The following MGRN1 variants were observed in gnomAD, a reference collection of about 807,000 sequenced individuals.
The protein encoded by MGRN1 is E3 ubiquitin-protein ligase MGRN1.
Under a neutral mutation model 69.2 loss-of-function variants are expected in MGRN1, and 29 were observed. The ratio of observed to expected loss-of-function variants is 0.42; its 90% confidence interval spans 0.31 to 0.57. The LOEUF (loss-of-function observed/expected upper bound fraction) is 0.57. MGRN1 is among the 20% of genes least tolerant of loss of function. The pLI is 0.15. For missense variants in MGRN1, 998 were observed against 796.2 expected (o/e 1.25, Z -3.05); for synonymous variants, 470 against 344.2 (o/e 1.37, Z -4.04).
At chr16:4,678,237 C>G (rs1384712280) in intron 11 of MGRN1, among the ~76,000 whole-genome samples, 1 of 152,224 alleles carries the variant, frequency 6.6e-6, no homozygotes, top group Non-Finnish European at 1.5e-5. Context: ...CCAGGCCCAC[C>G]AGGCGCCCTC....
Position 4,689,244 on chromosome 16 carries a change from C to T in MGRN1, c.*336C>T, listed in dbSNP as rs147180160. 1.4e-3 allele frequency: 387 copies of T among 267,124 alleles called. 1 individual carries two copies. The highest frequency in any genetic ancestry group is 8.0e-3 in the African/African-American group (364 of 45,732). 16.5% of individuals were successfully genotyped at this position (267,124 alleles called of 1,614,324 possible). ...CCGCTGGCTCTGCCTGCTCCTGCAACAGTGCGGTCCCTGCCCGGAGAACTC... is the reference window on the plus strand; with the variant it reads ...CCGCTGGCTCTGCCTGCTCCTGCAATAGTGCGGTCCCTGCCCGGAGAACTC... On this transcript the variant is annotated 3_prime_UTR_variant, in exon 17 of 17. Coordinates refer to ENST00000262370, the MANE Select transcript of MGRN1 (RefSeq NM_015246.4).
chr16:4,636,884 C>A (rs929718968), intron 1 of MGRN1, among the ~76,000 whole-genome samples: 1 of 151,714 alleles, frequency 6.6e-6, no homozygotes, highest in Non-Finnish European at 1.5e-5. Context: ...CTTTGGGAGG[C>A]CGAGACGGGC....
chr16:4,659,765 C>T lies in MGRN1; in HGVS notation c.561+2402C>T, dbSNP rs550420949. 4.7e-4 allele frequency among the ~76,000 whole-genome samples: 72 copies of T among 152,360 alleles called. 2 individuals are homozygous for T. The South Asian group carries it at 0.014, about 31-fold the overall frequency. On this transcript the variant is annotated intron_variant, in intron 5 of 16. Coordinates refer to ENST00000262370, the MANE Select transcript of MGRN1 (RefSeq NM_015246.4). ...TGCAAGTGACAGAAAAACATTTGGT[C>T]TGGTTTAAGAAAAGAAAACCAGAGA...
intron 1 of MGRN1, among the ~76,000 whole-genome samples, chr16:4,641,698 AG>A (rs769092791): frequency 1.7e-4 from 26 of 151,884 alleles, no homozygotes; most frequent in Non-Finnish European, 2.6e-4. Context: ...TTGCATTTTT[AG>A]TAGAGACGGG....
rs763167820 is a variant in MGRN1 at position 4,683,241 on chromosome 16, G to A, written c.1500G>A (p.Glu500=). 6.2e-7 allele frequency: 1 copy of A among 1,613,858 alleles called. No individual in the cohort carries two copies. Among genetic ancestry groups the A allele is most frequent in the Non-Finnish European group, 8.5e-7 (1 of 1,179,990 alleles). The change falls in exon 15 of 17, where the codon GAG becomes GAA. Residue 500 remains glutamate (E), a synonymous_variant. Coordinates refer to ENST00000262370, the MANE Select transcript of MGRN1 (RefSeq NM_015246.4). Reference sequence around the variant, plus strand: ...TTTCCTAGAGTTTCATAACAGAAGAGGTTGATGAGTCGTCGTCACCACAGC... The same window carrying A: ...TTTCCTAGAGTTTCATAACAGAAGAAGTTGATGAGTCGTCGTCACCACAGC... ...SSSPESFITE[E]VDESSSPQQG...
chr16:4,686,786 A>C (rs2079330136), intron 16 of MGRN1: 2 of 990,768 alleles, frequency 2.0e-6, no homozygotes, highest in Non-Finnish European at 2.4e-6. Flanking sequence ...TCGGTCCTGC[A>C]GCAGACACGT....
intron 4 of MGRN1, among the ~76,000 whole-genome samples, chr16:4,656,123 A>AG (rs1239392870): frequency 1.3e-5 from 2 of 152,088 alleles, no homozygotes; most frequent in Non-Finnish European, 2.9e-5. Flanking sequence ...GGTGGGGTGG[A>AG]GGGGAGGGGC....
intron 1 of MGRN1, among the ~76,000 whole-genome samples, chr16:4,629,155 TGTGTGTGTGTGTGTG>T (rs1897861015): frequency 1.4e-5 from 2 of 146,772 alleles, no homozygotes; most frequent in African/African-American, 2.5e-5. Context: ...TTCGTATGTG[TGTGTGTGTGTGTGTG>T]TGTGTGTGTG....
intron 16 of MGRN1, chr16:4,687,416 G>C (rs1184493604): frequency 2.2e-6 from 2 of 901,718 alleles, no homozygotes; most frequent in Non-Finnish European, 2.7e-6. Flanking sequence ...GTGGTAGCTT[G>C]TGCCTGTGGT....
At chr16:4,686,580 C>T (rs2079324855) in intron 16 of MGRN1, 1 of 1,302,054 alleles carries the variant, frequency 7.7e-7, no homozygotes, top group Middle Eastern at 2.9e-4. Flanking sequence ...CTTGAGGGGC[C>T]CTGGAACAGT....
At chr16:4,683,357 G>A in intron 15 of MGRN1, 88 bp downstream of exon 15, 1 of 1,473,746 alleles carries the variant, frequency 6.8e-7, no homozygotes, top group Non-Finnish European at 9.4e-7. Flanking sequence ...GGTGGTGTTG[G>A]GCCAGCACCT....
chr16:4,668,027 C>T (rs770138520), intron 7 of MGRN1, among the ~76,000 whole-genome samples: 4 of 151,896 alleles, frequency 2.6e-5, no homozygotes, highest in Non-Finnish European at 4.4e-5. Flanking sequence ...AGAGGGTCCC[C>T]GGGCTGTGTG....
rs749323134 is a variant in MGRN1 at position 4,652,782 on chromosome 16, T to C, written c.401T>C (p.Ile134Thr). The change falls in exon 4 of 17, where the codon ATC becomes ACC. Residue 134 changes from isoleucine to threonine, a missense_variant. Ile to Thr is a moderately conservative substitution (Grantham distance 89). Transcript: ENST00000262370. ...FDADARVAIT[I>T]YCQASEEFLN... The stretch of plus-strand genomic sequence containing the variant: ...GCCGATGCCCGCGTGGCCATCACCA[T>C]CTACTGCCAGGCATCGGAGGAGTTC... 6.2e-6 allele frequency: 10 copies of C among 1,611,512 alleles called. No homozygotes were observed. In the East Asian group the frequency reaches 6.7e-5, roughly 11 times the overall value.
intron 5 of MGRN1, among the ~76,000 whole-genome samples, 178 bp downstream of exon 5, chr16:4,657,541 G>A (rs2141899364): frequency 6.6e-6 from 1 of 152,304 alleles, no homozygotes; most frequent in Admixed American, 6.5e-5. Flanking sequence ...CAAGGCCTGG[G>A]CCATGTGCTG....
rs969287688 is a variant in MGRN1, at chr16:4,677,395, G to A, written c.956-68G>A. On this transcript the variant is annotated intron_variant, in intron 10 of 16. Transcript: ENST00000262370. ...GTGTGGGGGGGGTGTTGATCCCTGG[G>A]GCTGGGAGGGTCCCCTCGGGGCTGG... 4.6e-6 allele frequency: 6 copies of A among 1,302,476 alleles called. No individual in the cohort carries two copies. In the Middle Eastern group the frequency reaches 7.8e-4, roughly 170 times the overall value. 80.7% of individuals were successfully genotyped at this position (1,302,476 alleles called of 1,614,324 possible). A position where few individuals can be genotyped will look rare whatever the true frequency, so the allele number is the denominator to read the frequency against.
At chr16:4,663,807 G>A (rs1275888308) in intron 5 of MGRN1, among the ~76,000 whole-genome samples, 1 of 152,224 alleles carries the variant, frequency 6.6e-6, no homozygotes, top group Non-Finnish European at 1.5e-5. Flanking sequence ...GGATGGCACT[G>A]TGCTGGGCTG....
chr16:4,629,504 G>A (rs1337459336), intron 1 of MGRN1, among the ~76,000 whole-genome samples: 1 of 152,042 alleles, frequency 6.6e-6, no homozygotes, highest in Admixed American at 6.6e-5. Context: ...ACTTTGGGAG[G>A]CCAAGGTGGG....
Position 4,690,589 on chromosome 16 carries a change from TGCTCACGCACATGTTCACACATGCAC to T in MGRN1, c.*1682_*1707del, listed in dbSNP as rs1247757778. The T allele has an allele frequency of 6.6e-6, 1 of 152,390 alleles. No individual in the cohort carries two copies. Among genetic ancestry groups the T allele is most frequent in the Non-Finnish European group, 1.5e-5 (1 of 68,150 alleles). The allele number at this position is 152,390 out of a possible 1,614,324, so 9.4% of individuals were successfully genotyped here. A position where few individuals can be genotyped will look rare whatever the true frequency, so the allele number is the denominator to read the frequency against. ...ACACAAATGCACGCCCACTTGCACA[TGCTCACGCACATGTTCACACATGCAC>T]ACTCACGCTCACACATGCTGTCACG... On this transcript the variant is annotated 3_prime_UTR_variant, in exon 17 of 17. Coordinates refer to ENST00000262370, the MANE Select transcript of MGRN1 (RefSeq NM_015246.4).
intron 4 of MGRN1, among the ~76,000 whole-genome samples, chr16:4,655,845 C>T (rs1481193445): frequency 6.6e-6 from 1 of 152,232 alleles, no homozygotes; most frequent in Admixed American, 6.5e-5. Context: ...AACTGAGGCT[C>T]AGACAGAGGG....
Sources: gnomAD v4.1 joint callset for allele counts (sites outside exome capture counted in the v4.1 genomes callset) on GRCh38, gnomAD v4.1.1 for gene constraint, MANE v1.5 for transcripts, NCBI Gene and HGNC (gene_info 2026-07-23, HGNC 2026-07-21) for gene names.